XG: variants seen among roughly 807,000 people sequenced by gnomAD.
XG encodes Xg glycoprotein (Xg blood group), also known as glycoprotein Xg.
A neutral mutation model predicts 25.7 loss-of-function variants in XG; 24 were observed. The ratio of observed to expected loss-of-function variants is 0.93; its 90% confidence interval spans 0.68 to 1.31. The LOEUF is 1.31. Ranked by LOEUF, XG falls within the 40% of genes most tolerant of loss-of-function variation. The pLI, the probability that XG is intolerant of heterozygous loss-of-function variation, is 0.00. For missense variants in XG, 181 were observed against 187.6 expected, an observed-to-expected ratio of 0.96 and a Z score of 0.21; for synonymous variants, 77 against 69.2, an observed-to-expected ratio of 1.11 and a Z score of -0.56.
rs1375242402 is a variant in XG at position 2,794,437 on chromosome X, C to G, written c.254-98C>G. The G allele has an allele frequency of 1.2e-5, 12 of 966,757 alleles. No individual in the cohort carries two copies. The African/African-American group carries it at 1.4e-4, about 11-fold the overall frequency. 79.7% of individuals were successfully genotyped at this position (966,757 alleles called of 1,213,427 possible). On this transcript the variant is annotated intron_variant, in intron 5 of 10. Transcript: ENST00000644266. ...AAGAGCCAGTTGGCGTCGGAACGCT[C>G]TTCTCCAAAACCTGTGCCAGTGCCC...
chrX:2,779,322 T>G (rs1288709720), intron 3 of XG, among the ~76,000 whole-genome samples: 1 of 114,240 alleles, frequency 8.8e-6, no homozygotes, highest in African/African-American at 3.8e-5. Context: ...GGCTACAGAG[T>G]GAGAGTATAA....
rs866650377 is a variant in XG, at chrX:2,759,049, C to T, written c.61+6714C>T. 1.0e-3 allele frequency among the ~76,000 whole-genome samples: 131 copies of T among 125,114 alleles called. 1 individual carries two copies. Among genetic ancestry groups the T allele is most frequent in the Non-Finnish European group, 1.4e-3 (81 of 57,710 alleles). The allele number at this position is 125,114 out of a possible 152,430, so 82.1% of individuals were successfully genotyped here. On this transcript the variant is annotated intron_variant, in intron 1 of 10. Coordinates refer to ENST00000644266, the MANE Select transcript of XG (RefSeq NM_001141919.2). Reference sequence around the variant, plus strand: ...CTATCTATGTATCTATCTATCCATCCGTCTATCAATCTATCTATTTATCTA... The same window carrying T: ...CTATCTATGTATCTATCTATCCATCTGTCTATCAATCTATCTATTTATCTA...
intron 2 of XG, among the ~76,000 whole-genome samples, chrX:2,772,848 C>T (rs143454720): frequency 0.015 from 2,272 of 152,272 alleles, 34 homozygotes; most frequent in Non-Finnish European, 0.024. Flanking sequence ...ACCAAGAGCC[C>T]CCCATGAATG....
At chrX:2,762,199 T>A (rs2050580711) in intron 1 of XG, among the ~76,000 whole-genome samples, 1 of 152,228 alleles carries the variant, frequency 6.6e-6, no homozygotes, top group Non-Finnish European at 1.5e-5. Flanking sequence ...TTGTGATGAA[T>A]GATCATTCCT....
At chrX:2,772,362 A>G (rs1357332818) in intron 2 of XG, among the ~76,000 whole-genome samples, 1 of 152,234 alleles carries the variant, frequency 6.6e-6, no homozygotes, top group Non-Finnish European at 1.5e-5. Flanking sequence ...TGGTCCCTCC[A>G]GGCAACAGAA....
chrX:2,789,410 C>G (rs763640680), intron 4 of XG, among the ~76,000 whole-genome samples: 1 of 112,003 alleles, frequency 8.9e-6, no homozygotes, highest in Non-Finnish European at 1.9e-5. Flanking sequence ...CACTTTCTGC[C>G]CTGTTAATTT....
At position 2,770,400 on chromosome X, in the gene XG, G is replaced by A. The variant is rs1025505161; in HGVS notation, c.62-150G>A. On this transcript the variant is annotated intron_variant, in intron 1 of 10. Transcript: ENST00000644266. ...CTGGGACTAGGTGGAGGTGGTGGTT[G>A]CATCTCCCATGTAGCTCATGGTCAG... The A allele has an allele frequency of 1.6e-5, 12 of 739,242 alleles. No homozygotes were observed. The African/African-American group carries it at 2.1e-4, about 13-fold the overall frequency. 45.8% of individuals were successfully genotyped at this position (739,242 alleles called of 1,614,324 possible).
At chrX:2,759,739 C>T (rs1485063159) in intron 1 of XG, among the ~76,000 whole-genome samples, 1 of 152,208 alleles carries the variant, frequency 6.6e-6, no homozygotes, top group Non-Finnish European at 1.5e-5. Context: ...CTCATTCCAG[C>T]CATTTTCCTC....
rs775877025 is a variant in XG, at chrX:2,809,973, G to A, written c.455-1363G>A. Among the ~76,000 whole-genome samples, 3 of 112,525 alleles carry A rather than the reference G, an allele frequency of 2.7e-5. No homozygotes were observed. The South Asian group carries it at 1.1e-3, about 42-fold the overall frequency. On this transcript the variant is annotated intron_variant, in intron 9 of 10. Transcript: ENST00000644266. ...CCTGGATTTTCAGAATGAAGATGCA[G>A]CTCCACCTCTGGATGGGGAACACTG...
chrX:2,764,043 A>G (rs1419670281), intron 1 of XG, among the ~76,000 whole-genome samples: 7 of 152,128 alleles, frequency 4.6e-5, no homozygotes, highest in Non-Finnish European at 5.9e-5. Context: ...AGTCATAAAG[A>G]CCTTGCTGAT....
chrX:2,807,292 G>A (rs1308958207), intron 8 of XG, among the ~76,000 whole-genome samples: 1 of 113,239 alleles, frequency 8.8e-6, no homozygotes, highest in Non-Finnish European at 1.9e-5. Context: ...ATTTAGGGGT[G>A]TGCAAGCACA....
At chrX:2,782,337 C>G (rs1460781178) in intron 4 of XG, among the ~76,000 whole-genome samples, 19 of 112,439 alleles carry the variant, frequency 1.7e-4, no homozygotes, top group Non-Finnish European at 5.6e-5. Context: ...CATCTAGAAA[C>G]CACTAAGGTG....
intron 1 of XG, among the ~76,000 whole-genome samples, chrX:2,763,534 G>A (rs2050611650): frequency 6.6e-6 from 1 of 152,096 alleles, no homozygotes; most frequent in South Asian, 2.1e-4. Context: ...TCACACCAAT[G>A]GCCACAACTA....
intron 7 of XG, among the ~76,000 whole-genome samples, chrX:2,804,499 A>G (rs1481451486): frequency 9.1e-6 from 1 of 110,136 alleles, no homozygotes; most frequent in East Asian, 2.9e-4. Flanking sequence ...ACAGGCCTGC[A>G]CCACCACATC....
intron 1 of XG, among the ~76,000 whole-genome samples, chrX:2,763,822 C>G (rs1312542178): frequency 1.3e-5 from 2 of 152,164 alleles, no homozygotes; most frequent in Non-Finnish European, 2.9e-5. Context: ...AAACGCCTCA[C>G]TTCCTCACGC....
chrX:2,804,858 C>A (rs2086979362), intron 7 of XG, among the ~76,000 whole-genome samples: 1 of 112,035 alleles, frequency 8.9e-6, no homozygotes, highest in African/African-American at 3.2e-5. Flanking sequence ...TAGCAGGTAG[C>A]CCTGTGGTCC....
chrX:2,760,854 C>T (rs1414086825), intron 1 of XG, among the ~76,000 whole-genome samples: 5 of 151,124 alleles, frequency 3.3e-5, no homozygotes. Flanking sequence ...GACATGCACA[C>T]AGGGACGATC....
intron 6 of XG, among the ~76,000 whole-genome samples, chrX:2,795,526 C>A (rs963146470): frequency 9.3e-6 from 1 of 107,388 alleles, no homozygotes; most frequent in African/African-American, 3.4e-5. Flanking sequence ...CCTTTATATA[C>A]GTACACATAT....
chrX:2,803,004 C>T (rs1335714583), intron 7 of XG, among the ~76,000 whole-genome samples: 1 of 111,599 alleles, frequency 9.0e-6, no homozygotes, highest in Admixed American at 9.5e-5. Flanking sequence ...AGGCACGATG[C>T]AGTCGGTTAG....
Sources: gnomAD v4.1 joint callset for allele counts (sites outside exome capture counted in the v4.1 genomes callset) on GRCh38, gnomAD v4.1.1 for gene constraint, MANE v1.5 for transcripts, NCBI Gene and HGNC (gene_info 2026-07-23, HGNC 2026-07-21) for gene names.